IGF1R: variants seen among roughly 807,000 people sequenced by gnomAD.
IGF1R encodes insulin like growth factor 1 receptor, also known as insulin-like growth factor 1 receptor.
In IGF1R, 44 loss-of-function variants were observed where a neutral mutation model predicts 144.6. The ratio of observed to expected loss-of-function variants is 0.30; its 90% confidence interval spans 0.24 to 0.39. IGF1R has a LOEUF of 0.39. Ranked by LOEUF, IGF1R falls within the 10% of genes least tolerant of loss-of-function variation. The pLI is 1.00. For missense variants in IGF1R, 1,355 were observed against 1,833.7 expected (o/e 0.74, Z 4.77); for synonymous variants, 795 against 722.8 (o/e 1.10, Z -1.60).
At chr15:98,918,249 C>A (rs1295999595) in intron 10 of IGF1R, among the ~76,000 whole-genome samples, 2 of 152,086 alleles carry the variant, frequency 1.3e-5, no homozygotes, top group Admixed American at 6.6e-5. Context: ...ATCCGCAGTC[C>A]CCACAGCACC....
chr15:98,649,641 C>T lies in IGF1R; in HGVS notation c.60C>T (p.Ser20=). The change falls in exon 1 of 21, where the codon TCC becomes TCT. Residue 20 remains serine, a synonymous_variant. Coordinates refer to ENST00000650285, the MANE Select transcript of IGF1R (RefSeq NM_000875.5). ...PTSLWGLLFL[S]AALSLWPTSG... ...CGCTGTGGGGGCTCCTGTTTCTCTC[C>T]GCCGCGCTCTCGCTCTGGCCGACGA... 2 of 1,610,368 alleles carry T rather than the reference C, an allele frequency of 1.2e-6. No individual in the cohort carries two copies. The highest frequency in any genetic ancestry group is 1.7e-6 in the Non-Finnish European group (2 of 1,178,788).
chr15:98,754,152 C>G (rs45546533), intron 2 of IGF1R, among the ~76,000 whole-genome samples: 1 of 152,098 alleles, frequency 6.6e-6, no homozygotes, highest in African/African-American at 2.4e-5. Flanking sequence ...GTATCAGGAT[C>G]GGGAGGTAAC....
intron 2 of IGF1R, among the ~76,000 whole-genome samples, chr15:98,841,148 C>G (rs2011167420): frequency 6.6e-6 from 1 of 152,122 alleles, no homozygotes; most frequent in African/African-American, 2.4e-5. Flanking sequence ...ATTTCTTCTT[C>G]AGGGTACGAA....
At chr15:98,786,650 TTTG>T (rs915986472) in intron 2 of IGF1R, among the ~76,000 whole-genome samples, 7 of 152,162 alleles carry the variant, frequency 4.6e-5, no homozygotes, top group African/African-American at 1.2e-4. Context: ...ACTGTCTTTT[TTTG>T]TTGTTGTTGT....
intron 2 of IGF1R, among the ~76,000 whole-genome samples, chr15:98,851,732 G>C (rs1214379163): frequency 6.6e-6 from 1 of 152,230 alleles, no homozygotes; most frequent in Non-Finnish European, 1.5e-5. Context: ...AGACCAACCA[G>C]AAGGGGACTT....
intron 15 of IGF1R, among the ~76,000 whole-genome samples, chr15:98,933,495 C>T (rs1332758340): frequency 2.0e-5 from 3 of 151,944 alleles, no homozygotes; most frequent in African/African-American, 7.3e-5. Context: ...AGGTGTGTGC[C>T]ATCACACCTG....
intron 19 of IGF1R, 107 bp downstream of exon 19, chr15:98,943,159 CCAGCTTTAGCT>C: frequency 7.7e-7 from 1 of 1,298,458 alleles, no homozygotes; most frequent in Non-Finnish European, 1.1e-6. Flanking sequence ...TTACCCGTTG[CCAGCTTTAGCT>C]CAGTGTTGTG....
intron 4 of IGF1R, chr15:98,897,229 G>T: frequency 2.9e-6 from 1 of 339,168 alleles, no homozygotes; most frequent in Non-Finnish European, 5.5e-6. Flanking sequence ...GATCAGACGT[G>T]TGACTCAGCA....
intron 2 of IGF1R, among the ~76,000 whole-genome samples, chr15:98,810,706 G>A (rs2056569431): frequency 6.6e-6 from 1 of 151,874 alleles, no homozygotes; most frequent in African/African-American, 2.4e-5. Flanking sequence ...CCGCCACCAC[G>A]CCCGGCTTAT....
Position 98,958,363 on chromosome 15 carries a change from G to A in IGF1R, c.*921G>A, listed in dbSNP as rs2017095736. The A allele has an allele frequency of 4.8e-6, 1 of 208,310 alleles. No individual in the cohort carries two copies. The highest frequency in any genetic ancestry group is 6.0e-5 in the Admixed American group (1 of 16,656). The allele number at this position is 208,310 out of a possible 1,614,324, so 12.9% of individuals were successfully genotyped here. A position where few individuals can be genotyped will look rare whatever the true frequency, so the allele number is the denominator to read the frequency against. ...GGGCCCCGAAGCAGCCTGGCGGACA[G>A]GCTTGGAGTCAAGGGGCCCCATGCC... On this transcript the variant is annotated 3_prime_UTR_variant, in exon 21 of 21. Transcript: ENST00000650285.
chr15:98,946,012 T>C (rs2016536383), intron 19 of IGF1R, among the ~76,000 whole-genome samples: 1 of 151,786 alleles, frequency 6.6e-6, no homozygotes, highest in African/African-American at 2.4e-5. Context: ...ATGATGATGA[T>C]GACGATGATG....
At chr15:98,788,528 A>C (rs1300220524) in intron 2 of IGF1R, among the ~76,000 whole-genome samples, 1 of 152,250 alleles carries the variant, frequency 6.6e-6, no homozygotes, top group East Asian at 1.9e-4. Context: ...TTCATAAAAT[A>C]ATTTTTAAGG....
At chr15:98,651,125 T>C in intron 1 of IGF1R, 1 of 942,452 alleles carries the variant, frequency 1.1e-6, no homozygotes, top group Non-Finnish European at 1.3e-6. Flanking sequence ...GCCGATTAAC[T>C]TTGAAAAAAT....
intron 2 of IGF1R, among the ~76,000 whole-genome samples, chr15:98,788,815 C>G (rs1267872581): frequency 6.6e-6 from 1 of 152,140 alleles, no homozygotes; most frequent in African/African-American, 2.4e-5. Flanking sequence ...TCTTCATTTT[C>G]TTTTTTCTTC....
At chr15:98,869,452 T>A (rs796925961) in intron 2 of IGF1R, among the ~76,000 whole-genome samples, 3 of 151,156 alleles carry the variant, frequency 2.0e-5, no homozygotes, top group Non-Finnish European at 4.4e-5. Context: ...TTTTTTTTTT[T>A]AGACGGCGTT....
intron 2 of IGF1R, among the ~76,000 whole-genome samples, chr15:98,878,693 A>AAAAAC (rs1567174382): frequency 1.0e-4 from 13 of 126,158 alleles, no homozygotes; most frequent in African/African-American, 4.7e-4. Flanking sequence ...AAAAAAAAAA[A>AAAAAC]AACAACAACA....
Position 98,666,459 on chromosome 15 carries a change from A to G in IGF1R, c.94+16784A>G, listed in dbSNP as rs1003266491. Among the ~76,000 whole-genome samples, 7 of 152,338 alleles carry G rather than the reference A, an allele frequency of 4.6e-5. No homozygotes were observed. The East Asian group carries it at 1.3e-3, about 29-fold the overall frequency. ...TGTTCATGGCAGCAAATAATTCAAA[A>G]TAGCCAAAAAGTGAAAGCAACTCAA... On this transcript the variant is annotated intron_variant, in intron 1 of 20. Coordinates refer to ENST00000650285, the MANE Select transcript of IGF1R (RefSeq NM_000875.5).
At position 98,958,083 on chromosome 15, in the gene IGF1R, G is replaced by A. The variant is rs886051567; in HGVS notation, c.*641G>A. On this transcript the variant is annotated 3_prime_UTR_variant, in exon 21 of 21. Transcript: ENST00000650285. ...GGCCCGGCGCTGATTCCTCGTGTCC[G>A]GAGGCATGGGTGAGCATGGCAGCTG... 88 of 233,894 alleles carry A rather than the reference G, an allele frequency of 3.8e-4. No homozygotes were observed. Among genetic ancestry groups the A allele is most frequent in the Non-Finnish European group, 3.8e-4 (45 of 118,284 alleles). 14.5% of individuals were successfully genotyped at this position (233,894 alleles called of 1,614,324 possible).
chr15:98,936,365 C>A (rs1424216484), intron 17 of IGF1R, among the ~76,000 whole-genome samples: 1 of 152,176 alleles, frequency 6.6e-6, no homozygotes, highest in Non-Finnish European at 1.5e-5. Flanking sequence ...ACCCACAGGC[C>A]AGCTTTTTAA....
Sources: allele counts gnomAD v4.1 joint callset (sites outside exome capture counted in the v4.1 genomes callset), GRCh38; gene constraint gnomAD v4.1.1; transcripts MANE v1.5; gene names NCBI Gene and HGNC (gene_info 2026-07-23, HGNC 2026-07-21).